Variants in ARL15 observed in about 807,000 individuals in gnomAD.
ARL15 encodes ADP-ribosylation factor-like protein 15.
A neutral mutation model predicts 25.2 loss-of-function variants in ARL15; 19 were observed. That is an observed-to-expected ratio of 0.75 (90% CI 0.53 to 1.10). The LOEUF (loss-of-function observed/expected upper bound fraction) is 1.10, where lower values mean the gene tolerates loss of function less well. Ranked by LOEUF, ARL15 falls within the 50% of genes least tolerant of loss-of-function variation. The probability of loss-of-function intolerance (pLI) is 0.00; values close to 1 mark genes in which losing one functional copy is unlikely to be tolerated. For synonymous variants in ARL15, 94 were observed against 86.8 expected, an observed-to-expected ratio of 1.08 and a Z score of -0.46; for missense variants, 220 against 246.0, an observed-to-expected ratio of 0.89 and a Z score of 0.71.
chr5:53,995,252 G>C (rs374526722), intron 4 of ARL15, among the ~76,000 whole-genome samples: 3 of 141,384 alleles, frequency 2.1e-5, no homozygotes, highest in Non-Finnish European at 4.5e-5. Flanking sequence ...AGGTTGCTCC[G>C]AGCCGAGATT....
intron 4 of ARL15, among the ~76,000 whole-genome samples, chr5:53,898,047 C>T (rs1561140437): frequency 1.3e-5 from 2 of 152,018 alleles, no homozygotes. Context: ...AATATATTTA[C>T]TATTTATTAA....
chr5:54,214,388 A>G (rs1239292496), intron 1 of ARL15, among the ~76,000 whole-genome samples: 1 of 152,164 alleles, frequency 6.6e-6, no homozygotes, highest in East Asian at 1.9e-4. Flanking sequence ...CCATTCTCAG[A>G]CAGATGAAAG....
intron 4 of ARL15, among the ~76,000 whole-genome samples, chr5:54,026,942 GCT>G (rs1749802046): frequency 1.3e-5 from 2 of 152,112 alleles, no homozygotes; most frequent in Non-Finnish European, 2.9e-5. Context: ...TTGATGCAAA[GCT>G]CTCTTCTTAA....
chr5:54,242,693 G>A (rs1025702169), intron 1 of ARL15, among the ~76,000 whole-genome samples: 1 of 152,198 alleles, frequency 6.6e-6, no homozygotes, highest in Non-Finnish European at 1.5e-5. Context: ...AGCATAGAAT[G>A]AGGCGGACCT....
chr5:53,928,881 C>T (rs1321975759), intron 4 of ARL15, among the ~76,000 whole-genome samples: 1 of 152,146 alleles, frequency 6.6e-6, no homozygotes, highest in African/African-American at 2.4e-5. Context: ...AAATGATTTC[C>T]TACTGTGAAA....
At chr5:54,255,239 T>G (rs1230059178) in intron 1 of ARL15, among the ~76,000 whole-genome samples, 1 of 152,152 alleles carries the variant, frequency 6.6e-6, no homozygotes, top group Non-Finnish European at 1.5e-5. Context: ...TACTGTTTGT[T>G]TTAATGGCTG....
At chr5:54,276,511 G>A (rs1757934661) in intron 1 of ARL15, among the ~76,000 whole-genome samples, 1 of 152,204 alleles carries the variant, frequency 6.6e-6, no homozygotes. Flanking sequence ...TTCTCTAGAA[G>A]AGGACAGATT....
chr5:54,273,663 C>T (rs1757849619), intron 1 of ARL15, among the ~76,000 whole-genome samples: 1 of 152,174 alleles, frequency 6.6e-6, no homozygotes, highest in East Asian at 1.9e-4. Context: ...TCCTGGTCTC[C>T]TCTCAGTAAA....
intron 3 of ARL15, among the ~76,000 whole-genome samples, chr5:54,118,688 A>G (rs892898873): frequency 4.6e-5 from 7 of 152,140 alleles, no homozygotes; most frequent in Non-Finnish European, 1.0e-4. Context: ...TTGGGAGGGC[A>G]ATCTCAAAAC....
intron 1 of ARL15, among the ~76,000 whole-genome samples, chr5:54,234,602 T>C (rs1297626671): frequency 2.6e-5 from 4 of 152,236 alleles, no homozygotes. Flanking sequence ...TGAATTATGT[T>C]TTTGTACAAC....
intron 1 of ARL15, chr5:54,282,279 T>C (rs1291775608): frequency 1.0e-6 from 1 of 985,318 alleles, no homozygotes; most frequent in Admixed American, 6.1e-5. Context: ...ACCGTGTAAA[T>C]CCCAATTCTA....
At position 54,164,145 on chromosome 5, in the gene ARL15, GAAGT is replaced by G. The variant is rs1443201486; in HGVS notation, c.193+7635_193+7638del. On this transcript the variant is annotated intron_variant, in intron 2 of 4. Transcript: ENST00000504924. ...CCTTCTTTGATTCGTGGGTCATTTA[GAAGT>G]AAGTGAGTTTGTAAATACTTGAGAT... Among the ~76,000 whole-genome samples the G allele has an allele frequency of 1.6e-4, 24 of 152,046 alleles. No homozygotes were observed. In the East Asian group the frequency reaches 4.3e-3, roughly 27 times the overall value.
intron 1 of ARL15, among the ~76,000 whole-genome samples, chr5:54,273,615 A>G (rs924383813): frequency 1.1e-4 from 17 of 152,196 alleles, no homozygotes; most frequent in Non-Finnish European, 2.2e-4. Flanking sequence ...TCAAAATCCT[A>G]TCTCTACCAG....
chr5:54,205,816 A>G (rs1156839394), intron 1 of ARL15, among the ~76,000 whole-genome samples: 1 of 152,200 alleles, frequency 6.6e-6, no homozygotes, highest in Non-Finnish European at 1.5e-5. Flanking sequence ...AACAGTAACT[A>G]AAGTTACCTG....
intron 4 of ARL15, among the ~76,000 whole-genome samples, chr5:54,044,331 C>T (rs1750440933): frequency 1.3e-5 from 2 of 150,344 alleles, no homozygotes; most frequent in South Asian, 4.2e-4. Flanking sequence ...GCAACCTCTA[C>T]CTCCTGAGTT....
At chr5:54,244,760 T>A (rs1482608172) in intron 1 of ARL15, among the ~76,000 whole-genome samples, 1 of 151,616 alleles carries the variant, frequency 6.6e-6, no homozygotes, top group African/African-American at 2.4e-5. Context: ...ATGATTTCCC[T>A]AATTCCACAC....
intron 4 of ARL15, among the ~76,000 whole-genome samples, chr5:54,037,451 T>C (rs1750204577): frequency 6.6e-6 from 1 of 151,994 alleles, no homozygotes. Context: ...AAGAAAGTAA[T>C]CATTTATTTT....
At position 54,310,560 on chromosome 5, in the gene ARL15, A is replaced by T; in HGVS notation, c.-81T>A. 6.8e-7 allele frequency: 1 copy of T among 1,480,242 alleles called. No individual in the cohort carries two copies. The highest frequency in any genetic ancestry group is 2.2e-5 in the Admixed American group (1 of 46,048). 91.7% of individuals were successfully genotyped at this position (1,480,242 alleles called of 1,614,324 possible). A position where few individuals can be genotyped will look rare whatever the true frequency, so the allele number is the denominator to read the frequency against. ...TCTGGCTGCGAGCGAGCAGCTCCTG[A>T]AAAAGCCAGCAACAGCGAAAATAGC... On this transcript the variant is annotated 5_prime_UTR_variant, in exon 1 of 5. Transcript: ENST00000504924.
intron 4 of ARL15, among the ~76,000 whole-genome samples, chr5:53,918,990 T>C (rs1247334266): frequency 6.6e-6 from 1 of 152,220 alleles, no homozygotes; most frequent in African/African-American, 2.4e-5. Flanking sequence ...CCACTGGTTT[T>C]GTCTTTCATT....
Sources: allele counts gnomAD v4.1 joint callset (sites outside exome capture counted in the v4.1 genomes callset), GRCh38; gene constraint gnomAD v4.1.1; transcripts MANE v1.5; gene names NCBI Gene and HGNC (gene_info 2026-07-23, HGNC 2026-07-21).